DEFB110: variants seen among roughly 807,000 people sequenced by gnomAD.
DEFB110 encodes the protein defensin beta 110.
Under a neutral mutation model 2.5 loss-of-function variants are expected in DEFB110, and 4 were observed. That is an observed-to-expected ratio of 1.60 (90% CI 0.79 to 3.66). The LOEUF is 3.66. DEFB110 is among the 30% of genes most tolerant of loss of function. DEFB110 has a pLI of 0.01. For missense variants in DEFB110, 94 were observed against 75.4 expected, an observed-to-expected ratio of 1.25 and a Z score of -0.91; for synonymous variants, 29 against 21.8, an observed-to-expected ratio of 1.33 and a Z score of -0.92.
chr6:50,013,330 A>G (rs952400713), intron 1 of DEFB110, among the ~76,000 whole-genome samples: 1 of 151,902 alleles, frequency 6.6e-6, no homozygotes, highest in Non-Finnish European at 1.5e-5. Flanking sequence ...TCTTACAAGC[A>G]AAAAGATGTA....
At chr6:50,012,902 C>T (rs1256133703) in intron 1 of DEFB110, among the ~76,000 whole-genome samples, 1 of 151,668 alleles carries the variant, frequency 6.6e-6, no homozygotes, top group Non-Finnish European at 1.5e-5. Context: ...AAAAAAAATG[C>T]ATCACTTTTA....
chr6:50,018,255 A>C (rs1465869682), downstream of DEFB110, among the ~76,000 whole-genome samples: 1 of 151,954 alleles, frequency 6.6e-6, no homozygotes, highest in Non-Finnish European at 1.5e-5. Flanking sequence ...GTCATCTCTC[A>C]GGACTGAATA....
At chr6:50,016,389 GA>G (rs1327203461), downstream of DEFB110, among the ~76,000 whole-genome samples, 1 of 151,760 alleles carries the variant, frequency 6.6e-6, no homozygotes, top group African/African-American at 2.4e-5. Flanking sequence ...ATAGTGTCAT[GA>G]AAATTTATAT....
chr6:50,015,399 G>A (rs184348849), downstream of DEFB110, among the ~76,000 whole-genome samples: 98 of 151,576 alleles, frequency 6.5e-4, 1 homozygote, highest in Admixed American at 2.1e-3. Context: ...AAAATCCCTG[G>A]GTAATCAATT....
intron 1 of DEFB110, among the ~76,000 whole-genome samples, chr6:50,011,009 T>A (rs912982066): frequency 7.9e-5 from 12 of 151,842 alleles, no homozygotes; most frequent in Non-Finnish European, 1.8e-4. Flanking sequence ...TATAGAACCA[T>A]ATAAAAACAA....
chr6:50,010,415 G>GA (rs1286342373), intron 1 of DEFB110, among the ~76,000 whole-genome samples: 1 of 151,612 alleles, frequency 6.6e-6, no homozygotes. Context: ...CCGAAGCAGA[G>GA]AAAAACTAGA....
chr6:50,016,600 G>T (rs796425017), downstream of DEFB110, among the ~76,000 whole-genome samples: 5 of 151,566 alleles, frequency 3.3e-5, no homozygotes, highest in East Asian at 9.6e-4. Context: ...TGTAAATTCT[G>T]GGGGCAGAGT....
chr6:50,013,092 A>G (rs2113938203), intron 1 of DEFB110, among the ~76,000 whole-genome samples: 1 of 151,972 alleles, frequency 6.6e-6, no homozygotes, highest in East Asian at 1.9e-4. Context: ...AGCCAGTTAT[A>G]TTCATTTTTG....
intron 1 of DEFB110, among the ~76,000 whole-genome samples, chr6:50,019,672 A>G (rs1425961123): frequency 6.6e-6 from 1 of 152,130 alleles, no homozygotes; most frequent in East Asian, 1.9e-4. Context: ...TAATAACAAC[A>G]TTGATAAAGA....
chr6:50,010,382 T>C (rs746903382), intron 1 of DEFB110, among the ~76,000 whole-genome samples: 3 of 151,944 alleles, frequency 2.0e-5, no homozygotes, highest in South Asian at 2.1e-4. Context: ...TTTTAGTACC[T>C]AGTATTCACC....
At position 50,019,126 on chromosome 6, in the gene DEFB110, C is replaced by A; in HGVS notation, c.56-1G>T. The A allele has an allele frequency of 6.2e-7, 1 of 1,610,338 alleles. No individual in the cohort carries two copies. Among genetic ancestry groups the A allele is most frequent in the South Asian group, 1.1e-5 (1 of 90,480 alleles). ...CCATACTCAGGATATTTCTTTTTGG[C>A]TGTAAGAAGGGAAGAATGACTAAAA... On this transcript the variant is annotated splice_acceptor_variant, in intron 1 of 1. Coordinates refer to ENST00000371148, the MANE Select transcript of DEFB110 (RefSeq NM_001037497.2). LOFTEE classifies it high-confidence loss of function.
At chr6:50,018,397 C>T (rs1774353905), downstream of DEFB110, among the ~76,000 whole-genome samples, 2 of 151,870 alleles carry the variant, frequency 1.3e-5, no homozygotes, top group Non-Finnish European at 2.9e-5. Context: ...TTTATCTTTA[C>T]AAAATAATAA....
chr6:50,016,830 G>A (rs1309602919), downstream of DEFB110, among the ~76,000 whole-genome samples: 1 of 151,772 alleles, frequency 6.6e-6, no homozygotes, highest in African/African-American at 2.4e-5. Flanking sequence ...TGGCTTAAAT[G>A]TATTGAACAC....
At chr6:50,009,342 C>G in intron 1 of DEFB110, 1 of 1,477,918 alleles carries the variant, frequency 6.8e-7, no homozygotes, top group South Asian at 1.4e-5. Context: ...TAAAGAAAGA[C>G]AAAAACTGTT....
intron 1 of DEFB110, among the ~76,000 whole-genome samples, chr6:50,009,770 A>G (rs1203210850): frequency 6.6e-6 from 1 of 152,068 alleles, no homozygotes; most frequent in Non-Finnish European, 1.5e-5. Context: ...TGATCGAGAA[A>G]ACTCAAAACT....
intron 1 of DEFB110, among the ~76,000 whole-genome samples, chr6:50,019,803 C>G (rs972360828): frequency 7.9e-5 from 12 of 151,834 alleles, no homozygotes; most frequent in African/African-American, 2.2e-4. Context: ...CTGTCAATTA[C>G]TGTGTGTACT....
At chr6:50,013,277 C>A (rs1264135215) in intron 1 of DEFB110, among the ~76,000 whole-genome samples, 2 of 151,712 alleles carry the variant, frequency 1.3e-5, no homozygotes, top group Non-Finnish European at 2.9e-5. Flanking sequence ...GTGGCTGGAT[C>A]TTTAAAAGAT....
chr6:50,017,121 AT>A (rs1252187410), downstream of DEFB110, among the ~76,000 whole-genome samples: 5 of 151,810 alleles, frequency 3.3e-5, no homozygotes, highest in East Asian at 9.6e-4. Flanking sequence ...TCAAACTTTC[AT>A]AACTTTCATT....
chr6:50,017,284 T>TGTTTATG (rs1258937348), downstream of DEFB110, among the ~76,000 whole-genome samples: 1 of 151,890 alleles, frequency 6.6e-6, no homozygotes, highest in Non-Finnish European at 1.5e-5. Flanking sequence ...CTATTTCTCA[T>TGTTTATG]AAAACACAGA....
Sources: allele counts gnomAD v4.1 joint callset (sites outside exome capture counted in the v4.1 genomes callset), GRCh38; gene constraint gnomAD v4.1.1; transcripts MANE v1.5; gene names NCBI Gene and HGNC (gene_info 2026-07-23, HGNC 2026-07-21).